TM9SF3: variants seen among roughly 807,000 people sequenced by gnomAD.
TM9SF3 encodes SM-11044-binding protein.
A neutral mutation model predicts 78.6 loss-of-function variants in TM9SF3; 14 were observed. That is an observed-to-expected ratio of 0.18 (90% CI 0.12 to 0.28). TM9SF3 has a LOEUF of 0.28. Among genes scored for constraint, TM9SF3 ranks in the 10% least tolerant of loss-of-function variants. TM9SF3 has a pLI of 1.00. For missense variants in TM9SF3, 496 were observed against 721.9 expected, an observed-to-expected ratio of 0.69 and a Z score of 3.59; for synonymous variants, 231 against 241.7, an observed-to-expected ratio of 0.96 and a Z score of 0.41.
In TM9SF3 at chr10:96,521,726, GA is replaced by G. The variant is rs10715619; in HGVS notation, c.*536del. The G allele has an allele frequency of 0.67, 99,256 of 148,714 alleles. 33,222 individuals are homozygous for G. Among genetic ancestry groups the G allele is most frequent in the East Asian group, 0.8 (4,068 of 5,106 alleles). 9.2% of individuals were successfully genotyped at this position (148,714 alleles called of 1,614,324 possible). A position where few individuals can be genotyped will look rare whatever the true frequency, so the allele number is the denominator to read the frequency against. On this transcript the variant is annotated 3_prime_UTR_variant, in exon 15 of 15. Coordinates refer to ENST00000371142, the MANE Select transcript of TM9SF3 (RefSeq NM_020123.4). ...AAAAAAAAGGATGCTGTTGGATTGG[GA>G]AAAAAAAAAAGTCAAAAAAGAACCC... is the stretch of plus-strand genomic sequence containing the variant.
chr10:96,552,824 A>G (rs962351677), intron 6 of TM9SF3, 104 bp downstream of exon 6: 9 of 1,152,828 alleles, frequency 7.8e-6, no homozygotes, highest in Non-Finnish European at 1.0e-5. Context: ...TGAATTGTGG[A>G]AACTCAAAGA....
At chr10:96,528,542 T>C (rs1487708162) in intron 11 of TM9SF3, among the ~76,000 whole-genome samples, 1 of 152,130 alleles carries the variant, frequency 6.6e-6, no homozygotes, top group Non-Finnish European at 1.5e-5. Context: ...CAATGTAGTT[T>C]GTATTTTATT....
intron 2 of TM9SF3, among the ~76,000 whole-genome samples, chr10:96,571,168 C>T (rs1407744178): frequency 6.6e-6 from 1 of 152,132 alleles, no homozygotes; most frequent in African/African-American, 2.4e-5. Context: ...TGTCACAGAA[C>T]CCAAGAGACA....
intron 8 of TM9SF3, among the ~76,000 whole-genome samples, chr10:96,546,908 A>G (rs978451919): frequency 3.9e-5 from 6 of 152,228 alleles, no homozygotes; most frequent in African/African-American, 1.4e-4. Context: ...GTATTTCAAC[A>G]ACACTTCATT....
rs967686009 is a variant in TM9SF3 at position 96,519,093 on chromosome 10, A to C, written c.*3170T>G. The C allele has an allele frequency of 1.3e-5, 2 of 152,078 alleles. No individual in the cohort carries two copies. Among genetic ancestry groups the C allele is most frequent in the Non-Finnish European group, 2.9e-5 (2 of 67,922 alleles). The allele number at this position is 152,078 out of a possible 1,614,324, so 9.4% of individuals were successfully genotyped here. On this transcript the variant is annotated 3_prime_UTR_variant, in exon 15 of 15. Transcript: ENST00000371142. ...GTAGCTTTTCCTGAACAAATACATT[A>C]ATACACTTTTTGTTTTTTACATTTG...
At chr10:96,525,708 C>T (rs1250742404) in intron 14 of TM9SF3, among the ~76,000 whole-genome samples, 2 of 151,986 alleles carry the variant, frequency 1.3e-5, no homozygotes, top group African/African-American at 4.8e-5. Context: ...ATGTTTCCAC[C>T]ATGATTAGTC....
At chr10:96,549,241 T>C (rs1366655961) in intron 7 of TM9SF3, among the ~76,000 whole-genome samples, 1 of 152,196 alleles carries the variant, frequency 6.6e-6, no homozygotes, top group African/African-American at 2.4e-5. Flanking sequence ...GGCAAAGTAA[T>C]TTTTACTTTA....
In TM9SF3 at chr10:96,519,363, C is replaced by CT. The variant is rs1242029664; in HGVS notation, c.*2899dup. The CT allele has an allele frequency of 1.3e-5, 2 of 151,910 alleles. No individual in the cohort carries two copies. Among genetic ancestry groups the CT allele is most frequent in the African/African-American group, 4.8e-5 (2 of 41,412 alleles). The allele number at this position is 151,910 out of a possible 1,614,324, so 9.4% of individuals were successfully genotyped here. A position where few individuals can be genotyped will look rare whatever the true frequency, so the allele number is the denominator to read the frequency against. On this transcript the variant is annotated 3_prime_UTR_variant, in exon 15 of 15. Transcript: ENST00000371142. ...GGATATCACCATAATATAATGAATTCTAAGAGTATGGGGTTTGATTTATGG... is the reference window on the plus strand; with the variant it reads ...GGATATCACCATAATATAATGAATTCTTAAGAGTATGGGGTTTGATTTATGG...
At chr10:96,546,810 T>C (rs150552542) in intron 8 of TM9SF3, among the ~76,000 whole-genome samples, 1 of 152,340 alleles carries the variant, frequency 6.6e-6, no homozygotes, top group East Asian at 1.9e-4. Context: ...CCCAGTCTAC[T>C]AAAAGAAGGC....
chr10:96,571,956 G>A (rs1432347034), intron 2 of TM9SF3, among the ~76,000 whole-genome samples: 4 of 152,066 alleles, frequency 2.6e-5, no homozygotes, highest in East Asian at 1.9e-4. Context: ...ACCAATTATC[G>A]TAACAACAAG....
intron 1 of TM9SF3, among the ~76,000 whole-genome samples, chr10:96,581,681 T>C (rs749565870): frequency 6.6e-6 from 1 of 152,226 alleles, no homozygotes; most frequent in Admixed American, 6.5e-5. Context: ...TTATACTCTT[T>C]ATAAGTTTTC....
At chr10:96,523,693 A>G (rs1317949885) in intron 14 of TM9SF3, among the ~76,000 whole-genome samples, 1 of 151,912 alleles carries the variant, frequency 6.6e-6, no homozygotes, top group Non-Finnish European at 1.5e-5. Context: ...TACCACTTGA[A>G]GAAACTTTAA....
intron 14 of TM9SF3, among the ~76,000 whole-genome samples, chr10:96,524,385 C>T (rs538895571): frequency 7.5e-4 from 114 of 151,630 alleles, no homozygotes; most frequent in Non-Finnish European, 1.4e-3. Context: ...CCTTACGACA[C>T]GAAAAGATGT....
At chr10:96,561,789 C>T (rs1248059822) in intron 4 of TM9SF3, among the ~76,000 whole-genome samples, 189 bp downstream of exon 4, 4 of 152,236 alleles carry the variant, frequency 2.6e-5, no homozygotes, top group East Asian at 1.9e-4. Flanking sequence ...TCTAATACTA[C>T]AGACCTGAAG....
intron 9 of TM9SF3, 119 bp from the exon 10 acceptor site, chr10:96,533,309 G>A: frequency 1.6e-6 from 2 of 1,258,976 alleles, no homozygotes; most frequent in Non-Finnish European, 2.2e-6. Context: ...AGTTCAATAT[G>A]AGCTAAAATT....
Position 96,520,815 on chromosome 10 carries a change from A to T in TM9SF3, c.*1448T>A. The T allele has an allele frequency of 2.5e-6, 1 of 396,242 alleles. No individual in the cohort carries two copies. The allele number at this position is 396,242 out of a possible 1,614,324, so 24.5% of individuals were successfully genotyped here. On this transcript the variant is annotated 3_prime_UTR_variant, in exon 15 of 15. Transcript: ENST00000371142. ...CAAAGGGTTTGTCATTCACTTTATG[A>T]TTGTGCTGGATAATCTAGATGTAAG...
At chr10:96,573,989 C>T (rs760639801) in intron 2 of TM9SF3, among the ~76,000 whole-genome samples, 3 of 152,184 alleles carry the variant, frequency 2.0e-5, no homozygotes, top group African/African-American at 4.8e-5. Context: ...AAAACCTAGG[C>T]AATACCATTA....
At chr10:96,526,375 TAGAA>T (rs1416853596) in intron 14 of TM9SF3, among the ~76,000 whole-genome samples, 2 of 152,020 alleles carry the variant, frequency 1.3e-5, no homozygotes, top group African/African-American at 2.4e-5. Context: ...AAATGAGACT[TAGAA>T]AGGTTAATGT....
At chr10:96,527,557 A>AT in intron 12 of TM9SF3, 61 bp from the exon 13 acceptor site, 2 of 1,332,912 alleles carry the variant, frequency 1.5e-6, no homozygotes, top group Non-Finnish European at 1.0e-6. Context: ...TAAAACAAAG[A>AT]TTTTAAAGCA....
Sources: allele counts gnomAD v4.1 joint callset (sites outside exome capture counted in the v4.1 genomes callset), GRCh38; gene constraint gnomAD v4.1.1; transcripts MANE v1.5; gene names NCBI Gene and HGNC (gene_info 2026-07-23, HGNC 2026-07-21).